GAB2: variants seen among roughly 807,000 people sequenced by gnomAD.
The protein encoded by GAB2 is GRB2 associated binding protein 2, also known as GRB2-associated-binding protein 2.
GAB2 carries 26 observed loss-of-function variants against 65.5 expected under a neutral mutation model. That is an observed-to-expected ratio of 0.40 (90% CI 0.29 to 0.55). The LOEUF (loss-of-function observed/expected upper bound fraction) is 0.55. Among genes scored for constraint, GAB2 ranks in the 20% least tolerant of loss-of-function variants. The pLI is 0.53. For missense variants in GAB2, 884 were observed against 875.8 expected (o/e 1.01, Z -0.12); for synonymous variants, 321 against 329.6 (o/e 0.97, Z 0.28).
intron 1 of GAB2, among the ~76,000 whole-genome samples, chr11:78,392,764 T>A (rs1419008211): frequency 6.6e-6 from 1 of 152,194 alleles, no homozygotes; most frequent in East Asian, 1.9e-4. Flanking sequence ...GCCTTTAAAC[T>A]GTTCTCATTA....
intron 2 of GAB2, among the ~76,000 whole-genome samples, chr11:78,258,863 T>C (rs911936756): frequency 5.3e-5 from 8 of 152,350 alleles, no homozygotes; most frequent in Admixed American, 3.9e-4. Context: ...AATGTTTTCA[T>C]TGGCATTTTT....
chr11:78,301,791 T>A (rs1371945921), intron 1 of GAB2, among the ~76,000 whole-genome samples: 1 of 152,212 alleles, frequency 6.6e-6, no homozygotes, highest in Admixed American at 6.5e-5. Context: ...GATTTCAAAC[T>A]ATACTATAAG....
intron 2 of GAB2, among the ~76,000 whole-genome samples, chr11:78,258,911 G>A (rs1365008749): frequency 1.3e-5 from 2 of 152,128 alleles, no homozygotes; most frequent in East Asian, 1.9e-4. Context: ...ACACGTGCAT[G>A]TTTGTTATGT....
At position 78,390,073 on chromosome 11, in the gene GAB2, A is replaced by G. The variant is rs113495716; in HGVS notation, c.75+27573T>C. Among the ~76,000 whole-genome samples the G allele has an allele frequency of 3.0e-3, 460 of 152,348 alleles. 1 individual carries two copies. The highest frequency in any genetic ancestry group is 0.01 in the African/African-American group (427 of 41,586). On this transcript the variant is annotated intron_variant, in intron 1 of 9. Transcript: ENST00000361507. ...TGTTAACACTACACACGCCACGTGC[A>G]GTAACAAAAGAAAATAGTACTCACT...
intron 1 of GAB2, among the ~76,000 whole-genome samples, chr11:78,321,415 T>C (rs575663620): frequency 1.3e-5 from 2 of 152,298 alleles, no homozygotes; most frequent in South Asian, 4.1e-4. Context: ...TTTGGCTGAA[T>C]TACCTCTTTA....
chr11:78,356,182 G>GA (rs372223300), intron 1 of GAB2, among the ~76,000 whole-genome samples: 12,788 of 122,954 alleles, frequency 0.1, 1,651 homozygotes, highest in African/African-American at 0.33. Flanking sequence ...CAAAAAAAAA[G>GA]AAAAAAAAAA....
chr11:78,268,575 T>G (rs184066613), intron 2 of GAB2, among the ~76,000 whole-genome samples: 65 of 151,824 alleles, frequency 4.3e-4, no homozygotes, highest in African/African-American at 1.5e-3. Flanking sequence ...ACCAAAAAAG[T>G]AGGGGGGATC....
intron 2 of GAB2, among the ~76,000 whole-genome samples, chr11:78,276,797 T>C (rs568121121): frequency 6.6e-6 from 1 of 150,648 alleles, no homozygotes; most frequent in Non-Finnish European, 1.5e-5. Context: ...TTTAAATATG[T>C]GATTTTTATT....
chr11:78,307,342 C>G (rs913867127), intron 1 of GAB2, among the ~76,000 whole-genome samples: 1 of 151,758 alleles, frequency 6.6e-6, no homozygotes, highest in Non-Finnish European at 1.5e-5. Context: ...TTAAGGTAAG[C>G]CTGAAAATTA....
intron 1 of GAB2, among the ~76,000 whole-genome samples, chr11:78,300,701 T>TTG (rs1565149777): frequency 1.4e-5 from 2 of 140,022 alleles, no homozygotes; most frequent in East Asian, 2.0e-4. Context: ...TTTTGTTTTT[T>TTG]TTTTTTTTTT....
chr11:78,391,887 G>A (rs969817982), intron 1 of GAB2, among the ~76,000 whole-genome samples: 3 of 152,116 alleles, frequency 2.0e-5, no homozygotes, highest in African/African-American at 4.8e-5. Context: ...AAGATGTATC[G>A]TGAAGCCAAA....
At chr11:78,297,555 T>G (rs1216575780) in intron 1 of GAB2, among the ~76,000 whole-genome samples, 1 of 151,964 alleles carries the variant, frequency 6.6e-6, no homozygotes, top group Non-Finnish European at 1.5e-5. Context: ...GGGGAGTAGC[T>G]CAGGCAGGGA....
intron 1 of GAB2, among the ~76,000 whole-genome samples, chr11:78,326,890 T>C (rs4945268): frequency 0.16 from 24,026 of 152,110 alleles, 2,528 homozygotes; most frequent in East Asian, 0.41. Context: ...TTGTTGAGGA[T>C]TTACTGGAGG....
intron 8 of GAB2, 93 bp downstream of exon 8, chr11:78,221,584 G>T: frequency 1.5e-6 from 1 of 684,030 alleles, no homozygotes; most frequent in Non-Finnish European, 2.6e-6. Flanking sequence ...TCCCTGGGCT[G>T]AGGTGAGTTA....
At chr11:78,231,628 G>T (rs562549806) in intron 3 of GAB2, among the ~76,000 whole-genome samples, 4 of 152,284 alleles carry the variant, frequency 2.6e-5, no homozygotes, top group Admixed American at 2.6e-4. Flanking sequence ...GATTACAGGC[G>T]TGAGCCACTG....
At chr11:78,377,520 C>G (rs367921233) in intron 1 of GAB2, among the ~76,000 whole-genome samples, 1 of 152,118 alleles carries the variant, frequency 6.6e-6, no homozygotes, top group Non-Finnish European at 1.5e-5. Context: ...AACATTGAGT[C>G]GGTAGCAGGG....
Position 78,226,787 on chromosome 11 carries a change from G to A in GAB2, c.885C>T (p.Phe295=), listed in dbSNP as rs775286263. The A allele has an allele frequency of 9.3e-6, 15 of 1,614,144 alleles. No individual in the cohort carries two copies. The highest frequency in any genetic ancestry group is 1.3e-5 in the Non-Finnish European group (15 of 1,179,990). ...TGCACAGGGTGTTGCTGGGCGTCTT[G>A]AAGGTGTACACATCCTCATTATCTG... is the stretch of plus-strand genomic sequence containing the variant. ...SETDNEDVYT[F]KTPSNTLCRE... Residue 295 remains phenylalanine (F), a synonymous_variant, in exon 4 of 10, where the codon TTC becomes TTT. Transcript: ENST00000361507.
At chr11:78,407,599 T>C (rs922082292) in intron 1 of GAB2, among the ~76,000 whole-genome samples, 4 of 143,010 alleles carry the variant, frequency 2.8e-5, no homozygotes, top group African/African-American at 1.0e-4. Context: ...TGCCATTGCA[T>C]TCCAGCCTGG....
At chr11:78,398,004 T>C (rs1856922967) in intron 1 of GAB2, among the ~76,000 whole-genome samples, 2 of 123,972 alleles carry the variant, frequency 1.6e-5, no homozygotes, top group South Asian at 4.8e-4. Flanking sequence ...TGTGCTATGG[T>C]CCTGCCTGTG....
Sources: allele counts gnomAD v4.1 joint callset (sites outside exome capture counted in the v4.1 genomes callset), GRCh38; gene constraint gnomAD v4.1.1; transcripts MANE v1.5; gene names NCBI Gene and HGNC (gene_info 2026-07-23, HGNC 2026-07-21).